The following SBF2 variants were observed in gnomAD, a reference collection of about 807,000 sequenced individuals.
The protein encoded by SBF2 is SET binding factor 2, also known as myotubularin-related protein 13.
Under a neutral mutation model 225.2 loss-of-function variants are expected in SBF2, and 112 were observed. That is an observed-to-expected ratio of 0.50 (90% CI 0.43 to 0.58). The LOEUF (loss-of-function observed/expected upper bound fraction) is 0.58. Ranked by LOEUF, SBF2 falls within the 20% of genes least tolerant of loss-of-function variation. SBF2 has a pLI of 0.00. For synonymous variants in SBF2, 763 were observed against 773.3 expected, an observed-to-expected ratio of 0.99 and a Z score of 0.22; for missense variants, 1,996 against 2,206.2, an observed-to-expected ratio of 0.90 and a Z score of 1.91.
intron 1 of SBF2, among the ~76,000 whole-genome samples, chr11:10,203,037 G>A (rs368586285): frequency 1.3e-4 from 19 of 149,830 alleles, no homozygotes; most frequent in African/African-American, 4.7e-4. Flanking sequence ...GGATCTAGAT[G>A]TTTAGCTGGG....
intron 3 of SBF2, among the ~76,000 whole-genome samples, chr11:10,035,366 C>T (rs10840345): frequency 0.14 from 20,878 of 152,042 alleles, 1,832 homozygotes; most frequent in South Asian, 0.23. Flanking sequence ...AAAGACTTCA[C>T]GTCTAAAACA....
intron 1 of SBF2, among the ~76,000 whole-genome samples, chr11:10,251,117 A>G (rs1417444267): frequency 6.6e-6 from 1 of 152,198 alleles, no homozygotes; most frequent in African/African-American, 2.4e-5. Flanking sequence ...AGCCAGCCTT[A>G]TACATGAATA....
intron 16 of SBF2, among the ~76,000 whole-genome samples, chr11:9,917,047 C>CT (rs995583164): frequency 6.8e-6 from 1 of 147,032 alleles, no homozygotes; most frequent in Non-Finnish European, 1.5e-5. Context: ...CACATGTGTT[C>CT]TTTTTTTTAT....
intron 19 of SBF2, among the ~76,000 whole-genome samples, chr11:9,855,698 A>G (rs1237701674): frequency 6.6e-6 from 1 of 152,242 alleles, no homozygotes; most frequent in Non-Finnish European, 1.5e-5. Context: ...AGGTTGTAAA[A>G]AATGACATGA....
rs140116912 is a variant in SBF2 at position 9,972,411 on chromosome 11, C to G, written c.1396-3866G>C. Among the ~76,000 whole-genome samples, 875 of 152,244 alleles carry G rather than the reference C, an allele frequency of 5.7e-3. 15 individuals are homozygous for G. The highest frequency in any genetic ancestry group is 0.02 in the African/African-American group (838 of 41,558). On this transcript the variant is annotated intron_variant, in intron 13 of 39. Transcript: ENST00000256190. ...TATAACTAAAGCCATCTCTTTCTCC[C>G]AAGATTTCCAACACATTACCAACTA...
chr11:10,135,333 T>C (rs1954295176), intron 2 of SBF2, among the ~76,000 whole-genome samples: 1 of 152,122 alleles, frequency 6.6e-6, no homozygotes, highest in African/African-American at 2.4e-5. Context: ...CAGAGGTCTC[T>C]GACACGCCCT....
At chr11:10,239,252 G>A (rs1959177025) in intron 1 of SBF2, among the ~76,000 whole-genome samples, 1 of 150,572 alleles carries the variant, frequency 6.6e-6, no homozygotes, top group Non-Finnish European at 1.5e-5. Flanking sequence ...AGTTTCAGCA[G>A]ATTTAAAAGG....
rs1852343668 is a variant in SBF2, at chr11:9,785,924, T to C, written c.5038-606A>G. Among the ~76,000 whole-genome samples, 5 of 152,174 alleles carry C rather than the reference T, an allele frequency of 3.3e-5. 1 individual carries two copies. The South Asian group carries it at 1.0e-3, about 32-fold the overall frequency. On this transcript the variant is annotated intron_variant, in intron 36 of 39. Transcript: ENST00000256190. ...CTCTATCGCCCAGGCTGGAGTACAGTGGCATGATCTCGGCTTACTGCAACC... is the reference window on the plus strand; with the variant it reads ...CTCTATCGCCCAGGCTGGAGTACAGCGGCATGATCTCGGCTTACTGCAACC...
rs1964341954 is a variant in SBF2 at position 10,293,928 on chromosome 11, C to G, written c.55+87G>C. The stretch of plus-strand genomic sequence containing the variant: ...ACTCGGCCTGGCCCTCCCCGACGCC[C>G]GTCCCCGACGCCCGGCCCCGCGGAG... On this transcript the variant is annotated intron_variant, in intron 1 of 39. Transcript: ENST00000256190. 4.9e-6 allele frequency: 5 copies of G among 1,026,340 alleles called. No individual in the cohort carries two copies. In the South Asian group the frequency reaches 1.6e-4, roughly 33 times the overall value. 63.6% of individuals were successfully genotyped at this position (1,026,340 alleles called of 1,614,324 possible). A position where few individuals can be genotyped will look rare whatever the true frequency, so the allele number is the denominator to read the frequency against.
intron 17 of SBF2, among the ~76,000 whole-genome samples, chr11:9,859,896 T>C (rs1330720867): frequency 6.6e-6 from 1 of 152,228 alleles, no homozygotes; most frequent in East Asian, 1.9e-4. Context: ...AGGACTGTGT[T>C]ACTGCTGCTG....
chr11:9,928,527 A>C (rs1160168342), intron 16 of SBF2, among the ~76,000 whole-genome samples: 1 of 152,190 alleles, frequency 6.6e-6, no homozygotes, highest in Non-Finnish European at 1.5e-5. Context: ...AGCTGCTTGA[A>C]ACACAGCTTG....
rs772526531 is a variant in SBF2 at position 9,842,636 on chromosome 11, T to A, written c.3245A>T (p.Asp1082Val). 6.2e-7 allele frequency: 1 copy of A among 1,614,060 alleles called. No individual in the cohort carries two copies. Among genetic ancestry groups the A allele is most frequent in the African/African-American group, 1.3e-5 (1 of 75,052 alleles). Residue 1082 changes from aspartate (D) to valine (V), a missense_variant, in exon 25 of 40, where the codon GAT becomes GTT. Transcript: ENST00000256190. ...AAGTTTTCACATACCAGATACATCATCATCTTCATTCCATCCAGGACGATT... is the reference window on the plus strand; with the variant it reads ...AAGTTTTCACATACCAGATACATCAACATCTTCATTCCATCCAGGACGATT... ...RVNRPGWNED[D>V]DVSVSDESEL... is the part of the protein sequence containing the mutation.
intron 16 of SBF2, among the ~76,000 whole-genome samples, chr11:9,921,388 A>C (rs550958579): frequency 6.6e-6 from 1 of 152,100 alleles, no homozygotes; most frequent in Non-Finnish European, 1.5e-5. Flanking sequence ...TTAAATATAC[A>C]AATTCCTGGG....
chr11:10,219,933 A>G, intron 1 of SBF2, among the ~76,000 whole-genome samples: 1 of 152,182 alleles, frequency 6.6e-6, no homozygotes, highest in East Asian at 1.9e-4. Flanking sequence ...TGAGCCCTCT[A>G]AACTATTCCA....
At chr11:9,845,856 G>T in intron 23 of SBF2, 116 bp from the exon 24 acceptor site, 1 of 902,982 alleles carries the variant, frequency 1.1e-6, no homozygotes. Flanking sequence ...AAGGGACTTT[G>T]GATAACATGC....
intron 38 of SBF2, among the ~76,000 whole-genome samples, 191 bp from the exon 39 acceptor site, chr11:9,781,829 T>C (rs564949022): frequency 3.9e-5 from 6 of 152,264 alleles, no homozygotes; most frequent in South Asian, 2.1e-4. Flanking sequence ...GGAGAAAGCA[T>C]TGGGGGAAAG....
intron 17 of SBF2, among the ~76,000 whole-genome samples, chr11:9,869,538 C>T (rs938718175): frequency 3.3e-5 from 5 of 152,018 alleles, no homozygotes; most frequent in Non-Finnish European, 5.9e-5. Flanking sequence ...AGGCTAGTCA[C>T]GGTTCAACAT....
rs1178571794 is a variant in SBF2, at chr11:10,016,908, T to A, written c.619+11544A>T. 3 of 152,236 alleles carry A rather than the reference T, an allele frequency of 2.0e-5. No homozygotes were observed. The East Asian group carries it at 5.8e-4, about 29-fold the overall frequency. 9.4% of individuals were successfully genotyped at this position (152,236 alleles called of 1,614,324 possible). A position where few individuals can be genotyped will look rare whatever the true frequency, so the allele number is the denominator to read the frequency against. On this transcript the variant is annotated intron_variant, in intron 6 of 39. Coordinates refer to ENST00000256190, the MANE Select transcript of SBF2 (RefSeq NM_030962.4). ...TATTGAGAAATCCAGTTTCTTTTAA[T>A]TTTGTAAGTCAAAATCAGTTTTCTA...
At chr11:9,991,868 G>A (rs974326132) in intron 12 of SBF2, among the ~76,000 whole-genome samples, 1 of 152,068 alleles carries the variant, frequency 6.6e-6, no homozygotes, top group African/African-American at 2.4e-5. Context: ...ATGGCTCTAT[G>A]ATTTTGATAG....
Sources: gnomAD v4.1 joint callset for allele counts (sites outside exome capture counted in the v4.1 genomes callset) on GRCh38, gnomAD v4.1.1 for gene constraint, MANE v1.5 for transcripts, NCBI Gene and HGNC (gene_info 2026-07-23, HGNC 2026-07-21) for gene names.